The following FMR1 variants were observed in gnomAD, a reference collection of about 807,000 sequenced individuals.
The protein encoded by FMR1 is FMRP translational regulator 1.
A neutral mutation model predicts 50.6 loss-of-function variants in FMR1; 13 were observed. The observed-to-expected ratio is 0.26, with a 90% CI of 0.17 to 0.41. The LOEUF is 0.41. FMR1 is among the 10% of genes least tolerant of loss of function. The pLI, the probability that FMR1 is intolerant of heterozygous loss-of-function variation, is 1.00. For missense variants in FMR1, 316 were observed against 491.3 expected (o/e 0.64, Z 3.37); for synonymous variants, 138 against 164.1 (o/e 0.84, Z 1.22).
At position 147,937,687 on chromosome X, in the gene FMR1, G is replaced by A. The variant is rs1374489055; in HGVS notation, c.1125+87G>A. 8.7e-6 allele frequency: 5 copies of A among 572,444 alleles called. No homozygotes were observed. In the African/African-American group the frequency reaches 9.0e-5, roughly 10 times the overall value. The allele number at this position is 572,444 out of a possible 1,213,427, so 47.2% of individuals were successfully genotyped here. A position where few individuals can be genotyped will look rare whatever the true frequency, so the allele number is the denominator to read the frequency against. On this transcript the variant is annotated intron_variant, in intron 11 of 16. Coordinates refer to ENST00000370475, the MANE Select transcript of FMR1 (RefSeq NM_002024.6). ...GTATTTTGGATGTTTTCTCTGGTTA[G>A]ACTTGTAGGCTACTTATGTTCTATT...
chrX:147,930,736 T>C (rs1032082183), intron 7 of FMR1: 35 of 114,272 alleles, frequency 3.1e-4, no homozygotes, highest in African/African-American at 1.1e-3. Context: ...TATCTACTTT[T>C]ATTAATCCTC....
At chrX:147,912,780 G>A (rs2042657700) in intron 1 of FMR1, 1 of 296,138 alleles carries the variant, frequency 3.4e-6, no homozygotes, top group Non-Finnish European at 5.9e-6. Context: ...TGAAGAAAGA[G>A]TAGTAAGAAG....
intron 13 of FMR1, among the ~76,000 whole-genome samples, chrX:147,941,093 T>C (rs1175373990): frequency 8.9e-6 from 1 of 112,342 alleles, no homozygotes; most frequent in Non-Finnish European, 1.9e-5. Context: ...TTACCCTATT[T>C]TTCTCTTTAC....
At chrX:147,940,865 G>C (rs1557180722) in intron 13 of FMR1, among the ~76,000 whole-genome samples, 2 of 111,727 alleles carry the variant, frequency 1.8e-5, no homozygotes, top group Admixed American at 1.9e-4. Flanking sequence ...CAATATACCA[G>C]TTTTCAATAA....
chrX:147,927,895 G>C (rs2043444684), intron 3 of FMR1: 1 of 120,331 alleles, frequency 8.3e-6, no homozygotes, highest in African/African-American at 3.3e-5. Flanking sequence ...TTACTTTAGT[G>C]ACCAAGCAAC....
intron 12 of FMR1, 132 bp downstream of exon 12, chrX:147,938,293 A>T: frequency 1.8e-6 from 1 of 560,653 alleles, no homozygotes; most frequent in Middle Eastern, 4.4e-4. Flanking sequence ...ATGTGGATCC[A>T]TTGCCCTGGA....
intron 10 of FMR1, 87 bp downstream of exon 10, chrX:147,936,700 TAAAG>T: frequency 3.6e-6 from 2 of 559,383 alleles, no homozygotes; most frequent in Non-Finnish European, 6.3e-6. Flanking sequence ...AATATGTGCA[TAAAG>T]TGAATGCAAA....
rs782042786 is a variant in FMR1, at chrX:147,940,587, A to G, written c.1200A>G (p.Pro400=). 8.4e-7 allele frequency: 1 copy of G among 1,191,934 alleles called. No homozygotes were observed. Among genetic ancestry groups the G allele is most frequent in the Non-Finnish European group, 1.1e-6 (1 of 877,452 alleles). The part of the protein sequence containing the change: ...PELKAWQGMV[P]FVFVGTKDSI... ...AATTTCTTTTTCAGGGTATGGTACC[A>G]TTTGTTTTTGTGGGAACAAAGGACA... The change falls in exon 13 of 17, where the codon CCA becomes CCG. Residue 400 remains proline (P), a synonymous_variant. Transcript: ENST00000370475.
At chrX:147,947,361 AAGATCTT>A (rs1221905631) in intron 16 of FMR1, 1 of 104,514 alleles carries the variant, frequency 9.6e-6, no homozygotes, top group Non-Finnish European at 2.0e-5. Flanking sequence ...GCAGTGAGCC[AAGATCTT>A]GCCATTGCAC....
intron 1 of FMR1, among the ~76,000 whole-genome samples, chrX:147,919,218 A>G (rs924710110): frequency 4.5e-5 from 5 of 111,664 alleles, no homozygotes; most frequent in Non-Finnish European, 9.4e-5. Flanking sequence ...AGCACCCCCA[A>G]AAAGCAAACT....
At chrX:147,942,946 T>C (rs1172846240) in intron 13 of FMR1, among the ~76,000 whole-genome samples, 185 bp from the exon 14 acceptor site, 2 of 112,274 alleles carry the variant, frequency 1.8e-5, no homozygotes, top group East Asian at 5.5e-4. Context: ...TAATCTGTTA[T>C]CTGTAGTAAT....
rs29281 is a variant in FMR1, at chrX:147,929,961, G to T, written c.433G>T (p.Ala145Ser). The T allele has an allele frequency of 5.0e-3, 5,948 of 1,191,575 alleles. 192 individuals carry two copies. In the African/African-American group the frequency reaches 0.089, roughly 18 times the overall value. The change falls in exon 6 of 17, where the codon GCG (alanine) becomes TCG (serine). Residue 145 changes from alanine (A) to serine (S), a missense_variant. By Grantham distance (99) the Ala-to-Ser change is moderately conservative. Transcript: ENST00000370475. ...TTAAATTTCTAGGTGTGCCAAAGAG[G>T]CGGCACATAAGGATTTTAAAAAGGC... ...EDLRQMCAKE[A>S]AHKDFKKAVG...
intron 9 of FMR1, among the ~76,000 whole-genome samples, chrX:147,933,061 A>G (rs1388153423): frequency 1.7e-5 from 1 of 60,406 alleles, no homozygotes; most frequent in East Asian, 6.6e-4. Flanking sequence ...CCCACCCCAC[A>G]ACAGTCCCCA....
intron 2 of FMR1, chrX:147,924,868 T>A (rs1176811958): frequency 9.1e-6 from 1 of 109,961 alleles, no homozygotes; most frequent in Non-Finnish European, 1.9e-5. Context: ...CTTTCAGAGT[T>A]GTTTAATATC....
At chrX:147,917,621 A>C (rs782343393) in intron 1 of FMR1, among the ~76,000 whole-genome samples, 37 of 112,333 alleles carry the variant, frequency 3.3e-4, no homozygotes, top group African/African-American at 1.2e-3. Flanking sequence ...TTTTTAAAAA[A>C]AAGAGTGCTT....
chrX:147,924,981 T>A (rs1345829802), intron 2 of FMR1: 2 of 122,929 alleles, frequency 1.6e-5, no homozygotes, highest in East Asian at 4.7e-4. Flanking sequence ...GCTGATAACG[T>A]CATACTGATC....
At chrX:147,918,554 G>GTTTTTTTTTTTTTTT (rs2042989205) in intron 1 of FMR1, among the ~76,000 whole-genome samples, 6 of 18,747 alleles carry the variant, frequency 3.2e-4, no homozygotes, top group African/African-American at 6.0e-4. Flanking sequence ...GCCTGCAAAA[G>GTTTTTTTTTTTTTTT]CTTTTTTTTT....
intron 9 of FMR1, chrX:147,933,643 G>A (rs1353078649): frequency 1.2e-6 from 1 of 834,041 alleles, no homozygotes; most frequent in African/African-American, 2.1e-5. Flanking sequence ...TATCAAGAAA[G>A]CTACATATGT....
chrX:147,916,984 A>G (rs1166092758), intron 1 of FMR1, among the ~76,000 whole-genome samples: 1 of 112,344 alleles, frequency 8.9e-6, no homozygotes, highest in African/African-American at 3.2e-5. Context: ...TCAGCCCTCC[A>G]AAGTGCTGGA....
Sources: gnomAD v4.1 joint callset for allele counts (sites outside exome capture counted in the v4.1 genomes callset) on GRCh38, gnomAD v4.1.1 for gene constraint, MANE v1.5 for transcripts, NCBI Gene and HGNC (gene_info 2026-07-23, HGNC 2026-07-21) for gene names.